EHD4: variants seen among roughly 807,000 people sequenced by gnomAD.
The protein encoded by EHD4 is EH domain containing 4.
Under a neutral mutation model 51.0 loss-of-function variants are expected in EHD4, and 37 were observed. The observed-to-expected ratio is 0.73, with a 90% CI of 0.56 to 0.95. The LOEUF is 0.95. Ranked by LOEUF, EHD4 falls within the 40% of genes least tolerant of loss-of-function variation. The pLI is 0.00. For synonymous variants in EHD4, 297 were observed against 317.3 expected, an observed-to-expected ratio of 0.94 and a Z score of 0.68; for missense variants, 632 against 733.1, an observed-to-expected ratio of 0.86 and a Z score of 1.59.
chr15:41,901,707 T>C (rs1356137988), intron 5 of EHD4, among the ~76,000 whole-genome samples: 1 of 152,188 alleles, frequency 6.6e-6, no homozygotes, highest in African/African-American at 2.4e-5. Context: ...AAACAACTAA[T>C]TAAATACCTT....
intron 3 of EHD4, among the ~76,000 whole-genome samples, chr15:41,930,205 A>G (rs746363816): frequency 2.6e-5 from 4 of 152,054 alleles, no homozygotes; most frequent in Non-Finnish European, 5.9e-5. Context: ...TAACCTTCTG[A>G]TATTATTATA....
intron 3 of EHD4, chr15:41,921,641 G>A (rs1195674167): frequency 2.6e-5 from 4 of 152,238 alleles, no homozygotes; most frequent in Admixed American, 6.5e-5. Flanking sequence ...GATTCACCAT[G>A]CTGACCTGAC....
At chr15:41,952,770 A>G (rs1034121001) in intron 2 of EHD4, among the ~76,000 whole-genome samples, 7 of 151,970 alleles carry the variant, frequency 4.6e-5, no homozygotes, top group Non-Finnish European at 8.8e-5. Context: ...CGGGTGGATC[A>G]CCTGAGGTCA....
At chr15:41,922,357 G>T (rs1303221203) in intron 3 of EHD4, among the ~76,000 whole-genome samples, 1 of 152,132 alleles carries the variant, frequency 6.6e-6, no homozygotes, top group African/African-American at 2.4e-5. Context: ...CTATACTCCA[G>T]CCTGGGTGAG....
At position 41,919,312 on chromosome 15, in the gene EHD4, G is replaced by A. The variant is rs201628120; in HGVS notation, c.822C>T (p.Phe274=). Residue 274 remains phenylalanine, a synonymous_variant, in exon 4 of 6, where the codon TTC becomes TTT. Transcript: ENST00000220325. ...TAAAGAGGTCCTGGGCCTCAGCCTC[G>A]AAGAGCCGGCGGTTGTCCGTGTTCT... ...PLQNTDNRRL[F]EAEAQDLFRD... The A allele has an allele frequency of 1.5e-5, 24 of 1,614,200 alleles. No individual in the cohort carries two copies. The East Asian group carries it at 2.7e-4, about 18-fold the overall frequency.
rs189647505 is a variant in EHD4, at chr15:41,909,068, C to G, written c.1089+631G>C. Among the ~76,000 whole-genome samples the G allele has an allele frequency of 7.9e-4, 120 of 152,342 alleles. 1 individual carries two copies. In the East Asian group the frequency reaches 0.021, roughly 27 times the overall value. On this transcript the variant is annotated intron_variant, in intron 5 of 5. Transcript: ENST00000220325. ...AGGACACGCTCGTCTAACAGCAGTG[C>G]AGAGAGGTAGATATGCCGGTCAGGG...
chr15:41,946,588 T>C (rs961564086), intron 2 of EHD4, among the ~76,000 whole-genome samples: 2 of 152,140 alleles, frequency 1.3e-5, no homozygotes, highest in Non-Finnish European at 2.9e-5. Context: ...TAGCCGGGCA[T>C]GGTGGCATGC....
At chr15:41,967,141 C>G (rs2067966645) in intron 1 of EHD4, among the ~76,000 whole-genome samples, 1 of 152,194 alleles carries the variant, frequency 6.6e-6, no homozygotes, top group Non-Finnish European at 1.5e-5. Flanking sequence ...AGCTGTACTC[C>G]CCAGTTACCC....
intron 5 of EHD4, among the ~76,000 whole-genome samples, chr15:41,907,245 C>T (rs2067518623): frequency 4.6e-5 from 7 of 152,242 alleles, no homozygotes; most frequent in Admixed American, 4.6e-4. Flanking sequence ...ACAGCTCAGG[C>T]TCTGTATTTC....
rs763145126 is a variant in EHD4 at position 41,944,181 on chromosome 15, G to A, written c.414-1017C>T. 9.2e-5 allele frequency among the ~76,000 whole-genome samples: 14 copies of A among 152,146 alleles called. 1 individual carries two copies. The highest frequency in any genetic ancestry group is 1.5e-4 in the Non-Finnish European group (10 of 68,018). ...TAAGGGCCTCCCTGCTCTGGGTCTT[G>A]GGTTCCTCACATGAAAATGGTGGCT... On this transcript the variant is annotated intron_variant, in intron 2 of 5. Transcript: ENST00000220325.
At chr15:41,926,281 T>A (rs2067660493) in intron 3 of EHD4, 1 of 152,386 alleles carries the variant, frequency 6.6e-6, no homozygotes, top group Non-Finnish European at 1.5e-5. Flanking sequence ...CCCCCTGCCA[T>A]GTCCCTCCTC....
At chr15:41,958,998 A>G (rs1282426748) in intron 1 of EHD4, among the ~76,000 whole-genome samples, 1 of 152,252 alleles carries the variant, frequency 6.6e-6, no homozygotes, top group Non-Finnish European at 1.5e-5. Flanking sequence ...CCTGTGAATC[A>G]TAACAAATAC....
At chr15:41,965,777 G>T (rs2067957851) in intron 1 of EHD4, among the ~76,000 whole-genome samples, 1 of 152,158 alleles carries the variant, frequency 6.6e-6, no homozygotes, top group African/African-American at 2.4e-5. Flanking sequence ...AGTTAGGGAA[G>T]ATAATGTCAG....
chr15:41,953,286 A>G (rs1204267888), intron 2 of EHD4, among the ~76,000 whole-genome samples: 1 of 152,220 alleles, frequency 6.6e-6, no homozygotes, highest in Non-Finnish European at 1.5e-5. Flanking sequence ...ATTGCCAGTG[A>G]CGAGGAGCTC....
At chr15:41,967,060 A>G (rs899348378) in intron 1 of EHD4, among the ~76,000 whole-genome samples, 2 of 152,272 alleles carry the variant, frequency 1.3e-5, no homozygotes, top group African/African-American at 4.8e-5. Context: ...CCACTCAAAC[A>G]TGACAGGTCT....
rs553469522 is a variant in EHD4 at position 41,944,087 on chromosome 15, C to G, written c.414-923G>C. Among the ~76,000 whole-genome samples, 3 of 152,350 alleles carry G rather than the reference C, an allele frequency of 2.0e-5. No individual in the cohort carries two copies. In the East Asian group the frequency reaches 5.8e-4, roughly 29 times the overall value. On this transcript the variant is annotated intron_variant, in intron 2 of 5. Transcript: ENST00000220325. The stretch of plus-strand genomic sequence containing the variant: ...GCAGAGTGCGGAGGAAAAATCTAGC[C>G]TGTGGGTCAGCAGACCTGGGTTCAA...
intron 2 of EHD4, among the ~76,000 whole-genome samples, chr15:41,949,203 C>T (rs1458427990): frequency 3.3e-5 from 5 of 150,896 alleles, no homozygotes; most frequent in African/African-American, 1.2e-4. Flanking sequence ...AACCTCATCT[C>T]TACTAAAAAT....
rs771558090 is a variant in EHD4, at chr15:41,940,638, G to A, written c.511+2429C>T. Among the ~76,000 whole-genome samples, 118 of 152,310 alleles carry A rather than the reference G, an allele frequency of 7.7e-4. 1 individual carries two copies. The Middle Eastern group carries it at 0.01, about 13-fold the overall frequency. On this transcript the variant is annotated intron_variant, in intron 3 of 5. Transcript: ENST00000220325. ...GTCGGTGTGGCAGGGACCGCCGACT[G>A]GCTGGAACATATATGCTATTTCTGT...
At chr15:41,923,539 C>A (rs1195177369) in intron 3 of EHD4, among the ~76,000 whole-genome samples, 1 of 152,194 alleles carries the variant, frequency 6.6e-6, no homozygotes, top group Non-Finnish European at 1.5e-5. Context: ...AGTTTAGACT[C>A]CTAGGCCCCT....
Sources: allele counts gnomAD v4.1 joint callset (sites outside exome capture counted in the v4.1 genomes callset), GRCh38; gene constraint gnomAD v4.1.1; transcripts MANE v1.5; gene names NCBI Gene and HGNC (gene_info 2026-07-23, HGNC 2026-07-21).